Variants in ZMAT5 observed in about 807,000 individuals in gnomAD.
The protein encoded by ZMAT5 is zinc finger matrin-type 5.
A neutral mutation model predicts 28.0 loss-of-function variants in ZMAT5; 23 were observed. The ratio of observed to expected loss-of-function variants is 0.82; its 90% CI spans 0.59 to 1.16. ZMAT5 has a LOEUF of 1.16. ZMAT5 is among the 50% of genes most tolerant of loss of function. The pLI, the probability that ZMAT5 is intolerant of heterozygous loss-of-function variation, is 0.00. For missense variants in ZMAT5, 173 were observed against 212.7 expected, an observed-to-expected ratio of 0.81 and a Z score of 1.16; for synonymous variants, 76 against 84.1, an observed-to-expected ratio of 0.90 and a Z score of 0.52.
intron 1 of ZMAT5, among the ~76,000 whole-genome samples, chr22:29,750,678 A>G (rs1018182769): frequency 1.3e-5 from 2 of 152,232 alleles, no homozygotes; most frequent in Non-Finnish European, 2.9e-5. Flanking sequence ...AAGGTTCCTG[A>G]GGCCCAGATG....
chr22:29,754,948 C>T (rs5752960), intron 1 of ZMAT5, among the ~76,000 whole-genome samples: 13,998 of 152,030 alleles, frequency 0.092, 982 homozygotes, highest in South Asian at 0.26. Flanking sequence ...TATTATCATC[C>T]GGGCTGCCCA....
At chr22:29,743,411 GT>G (rs531850656) in intron 2 of ZMAT5, among the ~76,000 whole-genome samples, 200 of 152,006 alleles carry the variant, frequency 1.3e-3, no homozygotes, top group African/African-American at 4.7e-3. Context: ...CTTAACCCTA[GT>G]TTCCTCTGAT....
intron 2 of ZMAT5, chr22:29,747,937 C>T (rs528065704): frequency 6.1e-4 from 149 of 243,066 alleles, no homozygotes; most frequent in African/African-American, 2.6e-3. Flanking sequence ...AGGCTGCTCT[C>T]TGCCCTTGGA....
At chr22:29,742,798 T>C (rs2067975235) in intron 2 of ZMAT5, among the ~76,000 whole-genome samples, 1 of 152,132 alleles carries the variant, frequency 6.6e-6, no homozygotes, top group Admixed American at 6.5e-5. Context: ...TGGGTTTTTT[T>C]GTTTTTTAGA....
chr22:29,752,355 T>C (rs1025696044), intron 1 of ZMAT5, among the ~76,000 whole-genome samples: 6 of 152,192 alleles, frequency 3.9e-5, no homozygotes, highest in Non-Finnish European at 8.8e-5. Context: ...TGGGTGTTCA[T>C]GTTTTCCCCC....
At chr22:29,755,381 G>GAA (rs2068092121) in intron 1 of ZMAT5, among the ~76,000 whole-genome samples, 1 of 144,142 alleles carries the variant, frequency 6.9e-6, no homozygotes, top group Non-Finnish European at 1.5e-5. Context: ...GAGAGAGAGA[G>GAA]AGAAAGAAAG....
At position 29,755,024 on chromosome 22, in the gene ZMAT5, G is replaced by C. The variant is rs150125379; in HGVS notation, c.-27-6453C>G. Among the ~76,000 whole-genome samples, 146 of 151,932 alleles carry C rather than the reference G, an allele frequency of 9.6e-4. 4 individuals carry two copies. In the East Asian group the frequency reaches 0.026, roughly 27 times the overall value. The stretch of plus-strand genomic sequence containing the variant: ...TAAAATCGCAGTCAAGGCCGGGCAC[G>C]GTGGCTCATGTCTGTAATCCCAGCA... On this transcript the variant is annotated intron_variant, in intron 1 of 5. Transcript: ENST00000344318.
At chr22:29,747,979 A>G in intron 2 of ZMAT5, 1 of 229,266 alleles carries the variant, frequency 4.4e-6, no homozygotes. Context: ...CCCCCTGCTT[A>G]TGATGGCCTC....
chr22:29,760,375 C>CAAA (rs131280), intron 1 of ZMAT5, among the ~76,000 whole-genome samples: 2,056 of 98,278 alleles, frequency 0.021, 72 homozygotes, highest in African/African-American at 0.069. Context: ...TCCTCTGTCT[C>CAAA]AAAAAAAAAA....
chr22:29,746,653 G>C (rs2068011589), intron 2 of ZMAT5: 1 of 152,318 alleles, frequency 6.6e-6, no homozygotes, highest in Non-Finnish European at 1.5e-5. Flanking sequence ...GCCTCTTACA[G>C]AACTGTTCTA....
At chr22:29,740,608 A>G in intron 4 of ZMAT5, 42 bp downstream of exon 4, 1 of 1,552,442 alleles carries the variant, frequency 6.4e-7, no homozygotes, top group Non-Finnish European at 8.7e-7. Context: ...CACATGCCCC[A>G]GCACCCCACT....
intron 4 of ZMAT5, 79 bp downstream of exon 4, chr22:29,740,571 T>A: frequency 2.8e-6 from 4 of 1,431,598 alleles, no homozygotes; most frequent in Non-Finnish European, 3.8e-6. Context: ...TAGGGAGGCA[T>A]AGGCCAGCTT....
Position 29,742,500 on chromosome 22 carries a change from C to A in ZMAT5, c.128-20G>T, listed in dbSNP as rs369138354. 232 of 1,611,000 alleles carry A rather than the reference C, an allele frequency of 1.4e-4. No homozygotes were observed. The highest frequency in any genetic ancestry group is 1.5e-4 in the Non-Finnish European group (180 of 1,179,654). On this transcript the variant is annotated intron_variant, in intron 2 of 5. Transcript: ENST00000344318. Reference sequence around the variant, plus strand: ...CTGCATCTGCGAGAGAAGAGAGGGACGGGATTCGGATGGTTCAGGCTCCAC... The same window carrying A: ...CTGCATCTGCGAGAGAAGAGAGGGAAGGGATTCGGATGGTTCAGGCTCCAC...
At chr22:29,758,052 T>C (rs1226256710) in intron 1 of ZMAT5, among the ~76,000 whole-genome samples, 1 of 151,002 alleles carries the variant, frequency 6.6e-6, no homozygotes, top group Non-Finnish European at 1.5e-5. Flanking sequence ...CATCTCAGTG[T>C]CTTCTTTCTC....
chr22:29,756,356 G>A (rs77470490), intron 1 of ZMAT5, among the ~76,000 whole-genome samples: 1,560 of 152,274 alleles, frequency 0.01, 24 homozygotes, highest in African/African-American at 0.036. Context: ...GGAAGGAAGC[G>A]CCAAGGAAAT....
In ZMAT5 at chr22:29,731,130, G is replaced by T. The variant is rs958489025; in HGVS notation, c.*95C>A. On this transcript the variant is annotated 3_prime_UTR_variant, in exon 6 of 6. Coordinates refer to ENST00000344318, the MANE Select transcript of ZMAT5 (RefSeq NM_001003692.2). Reference sequence around the variant, plus strand: ...TCAGTGAGGCTGGGCAGATGGTCTCGGAGCCTCCATGGGGCGTAGCAGGAA... The same window carrying T: ...TCAGTGAGGCTGGGCAGATGGTCTCTGAGCCTCCATGGGGCGTAGCAGGAA... 1 of 1,337,452 alleles carries T rather than the reference G, an allele frequency of 7.5e-7. No homozygotes were observed. Among genetic ancestry groups the T allele is most frequent in the Admixed American group, 3.0e-5 (1 of 33,076 alleles). The allele number at this position is 1,337,452 out of a possible 1,614,324, so 82.8% of individuals were successfully genotyped here.
At chr22:29,738,194 G>T (rs979418655) in intron 5 of ZMAT5, 136 bp downstream of exon 5, 67 of 778,710 alleles carry the variant, frequency 8.6e-5, no homozygotes, top group Non-Finnish European at 1.2e-4. Context: ...GCTCCTCGGG[G>T]AGCTATGTGT....
chr22:29,762,368 G>A (rs1284946809), intron 1 of ZMAT5, among the ~76,000 whole-genome samples: 9 of 152,236 alleles, frequency 5.9e-5, no homozygotes, highest in South Asian at 4.1e-4. Flanking sequence ...GGAACGGTAC[G>A]GGTCCATGGC....
chr22:29,741,826 AT>A (rs950808750), intron 3 of ZMAT5, among the ~76,000 whole-genome samples: 1 of 151,934 alleles, frequency 6.6e-6, no homozygotes. Flanking sequence ...ATTAAAAAAA[AT>A]TTTTTTGGTA....
Sources: allele counts gnomAD v4.1 joint callset (sites outside exome capture counted in the v4.1 genomes callset), GRCh38; gene constraint gnomAD v4.1.1; transcripts MANE v1.5; gene names NCBI Gene and HGNC (gene_info 2026-07-23, HGNC 2026-07-21).